The following MTMR12 variants were observed in gnomAD, a reference collection of about 807,000 sequenced individuals.
MTMR12 encodes myotubularin related protein 12.
In MTMR12, 33 loss-of-function variants were observed where a neutral mutation model predicts 96.7. That is an observed-to-expected ratio of 0.34 (90% CI 0.26 to 0.46). MTMR12 has a LOEUF of 0.46. Ranked by LOEUF, MTMR12 falls within the 20% of genes least tolerant of loss-of-function variation. The probability of loss-of-function intolerance (pLI) is 1.00; values close to 1 mark genes in which losing one functional copy is unlikely to be tolerated. For missense variants in MTMR12, 721 were observed against 896.1 expected (o/e 0.80, Z 2.49); for synonymous variants, 298 against 327.2 (o/e 0.91, Z 0.96).
chr5:32,235,580 A>G (rs572066372), intron 13 of MTMR12, among the ~76,000 whole-genome samples: 2 of 152,136 alleles, frequency 1.3e-5, no homozygotes, highest in Non-Finnish European at 2.9e-5. Context: ...GGGAACTTCT[A>G]TTCCCCACCT....
At chr5:32,270,247 C>A (rs1467184222) in intron 5 of MTMR12, among the ~76,000 whole-genome samples, 1 of 152,048 alleles carries the variant, frequency 6.6e-6, no homozygotes, top group South Asian at 2.1e-4. Flanking sequence ...CAACAAACAT[C>A]AAATTGATAC....
In MTMR12 at chr5:32,261,368, G is replaced by A. The variant is rs141952833; in HGVS notation, c.713+1745C>T. Among the ~76,000 whole-genome samples, 680 of 152,140 alleles carry A rather than the reference G, an allele frequency of 4.5e-3. 4 individuals are homozygous for A. Among genetic ancestry groups the A allele is most frequent in the South Asian group, 0.012 (56 of 4,802 alleles). On this transcript the variant is annotated intron_variant, in intron 7 of 15. Coordinates refer to ENST00000382142, the MANE Select transcript of MTMR12 (RefSeq NM_001040446.3). Reference sequence around the variant, plus strand: ...CTCCCCCATCCCTGGGCACCTTGCTGTTCCTCCCCCAGGCCTTTGCTCTTA... The same window carrying A: ...CTCCCCCATCCCTGGGCACCTTGCTATTCCTCCCCCAGGCCTTTGCTCTTA...
chr5:32,289,504 G>A (rs1470844345), intron 1 of MTMR12, among the ~76,000 whole-genome samples: 1 of 152,200 alleles, frequency 6.6e-6, no homozygotes, highest in Non-Finnish European at 1.5e-5. Context: ...CAGGGTAAGT[G>A]TGCACTGGGG....
At chr5:32,262,053 C>CAG (rs1251616258) in intron 7 of MTMR12, among the ~76,000 whole-genome samples, 1 of 151,796 alleles carries the variant, frequency 6.6e-6, no homozygotes, top group Non-Finnish European at 1.5e-5. Flanking sequence ...GCCTGGGGGA[C>CAG]AGAGAGAGAC....
At chr5:32,292,606 G>A (rs1750776215) in intron 1 of MTMR12, among the ~76,000 whole-genome samples, 2 of 152,180 alleles carry the variant, frequency 1.3e-5, no homozygotes, top group African/African-American at 4.8e-5. Context: ...GTAAGGAAGA[G>A]TATGCATGGA....
intron 10 of MTMR12, among the ~76,000 whole-genome samples, chr5:32,246,324 A>G (rs975162369): frequency 2.0e-5 from 3 of 152,018 alleles, no homozygotes; most frequent in African/African-American, 7.2e-5. Flanking sequence ...CACTACGTCC[A>G]GCTAATTTTT....
At chr5:32,291,355 A>C (rs1056839041) in intron 1 of MTMR12, among the ~76,000 whole-genome samples, 1 of 152,226 alleles carries the variant, frequency 6.6e-6, no homozygotes, top group African/African-American at 2.4e-5. Flanking sequence ...GCATGGAAAG[A>C]GAAATGGCCA....
chr5:32,276,798 C>T, intron 1 of MTMR12, 56 bp from the exon 2 acceptor site: 1 of 1,302,168 alleles, frequency 7.7e-7, no homozygotes, highest in Non-Finnish European at 1.1e-6. Flanking sequence ...AAATGAATAA[C>T]ATTAAGCCAT....
chr5:32,303,416 C>T lies in MTMR12; in HGVS notation c.81+9342G>A, dbSNP rs113045734. Among the ~76,000 whole-genome samples the T allele has an allele frequency of 3.3e-5, 5 of 152,252 alleles. No homozygotes were observed. The East Asian group carries it at 5.8e-4, about 18-fold the overall frequency. ...CATCTCTCCCAGCACTGTACTCCCCCCCAGAATCCCTCTCTATTTCCACCT... is the reference window on the plus strand; with the variant it reads ...CATCTCTCCCAGCACTGTACTCCCCTCCAGAATCCCTCTCTATTTCCACCT... On this transcript the variant is annotated intron_variant, in intron 1 of 15. Coordinates refer to ENST00000382142, the MANE Select transcript of MTMR12 (RefSeq NM_001040446.3).
intron 1 of MTMR12, among the ~76,000 whole-genome samples, chr5:32,300,496 T>A (rs1751096316): frequency 6.6e-6 from 1 of 152,110 alleles, no homozygotes; most frequent in Non-Finnish European, 1.5e-5. Flanking sequence ...TATTCCTCAG[T>A]TGCTCCTCTG....
intron 7 of MTMR12, 65 bp downstream of exon 7, chr5:32,263,048 C>A: frequency 6.3e-7 from 1 of 1,582,208 alleles, no homozygotes; most frequent in South Asian, 1.1e-5. Flanking sequence ...TGTGAATATA[C>A]TAAAAAACAC....
chr5:32,232,790 G>T (rs775739298), intron 15 of MTMR12, among the ~76,000 whole-genome samples: 1 of 152,232 alleles, frequency 6.6e-6, no homozygotes, highest in East Asian at 1.9e-4. Flanking sequence ...ATTCTGAGTC[G>T]TTCAGCAGCC....
chr5:32,233,827 A>G lies in MTMR12; in HGVS notation c.1620T>C (p.Leu540=). The change falls in exon 15 of 16, where the codon CTT becomes CTC. Residue 540 remains leucine, a synonymous_variant. Transcript: ENST00000382142. This position sits in a 1 kb window ranked among gnomAD's most constrained non-coding sequence, Gnocchi z 5.0. ...TGTCCAGTTTTGGCTTTTCCACATA[A>G]AGAGGGTTTTTGAGCAATGTCTGGG... ...PKAQTLLKNP[L]YVEKPKLDKG... The G allele has an allele frequency of 6.2e-7, 1 of 1,614,118 alleles. No individual in the cohort carries two copies.
chr5:32,274,100 G>A lies in MTMR12; in HGVS notation c.165C>T (p.Ala55=). 1 of 1,614,150 alleles carries A rather than the reference G, an allele frequency of 6.2e-7. No individual in the cohort carries two copies. Among genetic ancestry groups the A allele is most frequent in the Non-Finnish European group, 8.5e-7 (1 of 1,180,016 alleles). The change falls in exon 3 of 16, where the codon GCC becomes GCT. Residue 55 remains alanine (A), a synonymous_variant. Coordinates refer to ENST00000382142, the MANE Select transcript of MTMR12 (RefSeq NM_001040446.3). ...LLPGEQLLCE[A]STVLKYVQED... ...CCTGGACATACTTCAGTACTGTGCT[G>A]GCTTCACAAAGCAGCTGTTCACCTG... is the stretch of plus-strand genomic sequence containing the variant.
chr5:32,274,196 A>C (rs953598849), intron 2 of MTMR12, 74 bp from the exon 3 acceptor site: 1 of 1,520,436 alleles, frequency 6.6e-7, no homozygotes, highest in Non-Finnish European at 8.9e-7. Flanking sequence ...AAGGCTTTCC[A>C]GCCCTATTTA....
At chr5:32,259,089 A>T (rs547942412) in intron 7 of MTMR12, among the ~76,000 whole-genome samples, 116 of 152,272 alleles carry the variant, frequency 7.6e-4, no homozygotes, top group African/African-American at 2.6e-3. Context: ...TTCCCATTGG[A>T]CACAAGCAAT....
intron 5 of MTMR12, 52 bp downstream of exon 5, chr5:32,270,765 G>A: frequency 1.9e-6 from 3 of 1,548,672 alleles, no homozygotes; most frequent in South Asian, 1.2e-5. Context: ...ACTAGAGCTA[G>A]TGGGGAAAAC....
At chr5:32,269,326 C>T (rs1554059960) in intron 5 of MTMR12, among the ~76,000 whole-genome samples, 1 of 149,850 alleles carries the variant, frequency 6.7e-6, no homozygotes, top group Non-Finnish European at 1.5e-5. Flanking sequence ...CCTGCCCAGC[C>T]TATTATTATT....
chr5:32,302,906 T>C (rs1391898050), intron 1 of MTMR12, among the ~76,000 whole-genome samples: 1 of 152,108 alleles, frequency 6.6e-6, no homozygotes, highest in Admixed American at 6.6e-5. Context: ...AAAGAAACTT[T>C]TAGAGATAGC....
Sources: allele counts gnomAD v4.1 joint callset (sites outside exome capture counted in the v4.1 genomes callset), GRCh38; gene constraint gnomAD v4.1.1; non-coding constraint Gnocchi (gnomAD v3.1); transcripts MANE v1.5; gene names NCBI Gene and HGNC (gene_info 2026-07-23, HGNC 2026-07-21).